GLRA1: variants seen among roughly 807,000 people sequenced by gnomAD.
The protein encoded by GLRA1 is glycine receptor subunit alpha-1.
A neutral mutation model predicts 48.3 loss-of-function variants in GLRA1; 37 were observed. That is an observed-to-expected ratio of 0.77 (90% CI 0.59 to 1.01). The LOEUF is 1.01. Ranked by LOEUF, GLRA1 falls within the 50% of genes least tolerant of loss-of-function variation. The probability of loss-of-function intolerance (pLI) is 0.00; values close to 1 mark genes in which losing one functional copy is unlikely to be tolerated. For missense variants in GLRA1, 427 were observed against 571.0 expected (o/e 0.75, Z 2.57); for synonymous variants, 196 against 210.7 (o/e 0.93, Z 0.60).
chr5:151,849,127 T>TC (rs1752779350), intron 7 of GLRA1: 1 of 207,336 alleles, frequency 4.8e-6, no homozygotes, highest in South Asian at 2.0e-4. Flanking sequence ...TTTCTTTCTT[T>TC]CTTTCTTTCT....
chr5:151,881,488 T>G (rs1373769457), intron 3 of GLRA1, among the ~76,000 whole-genome samples: 1 of 127,328 alleles, frequency 7.9e-6, no homozygotes, highest in Non-Finnish European at 1.6e-5. Context: ...CACCATGCCC[T>G]GCAATTTTTT....
intron 6 of GLRA1, among the ~76,000 whole-genome samples, chr5:151,853,121 G>C (rs556414362): frequency 6.6e-6 from 1 of 152,208 alleles, no homozygotes; most frequent in South Asian, 2.1e-4. Context: ...TTGGTCAAAG[G>C]GTACAGAATT....
intron 5 of GLRA1, 31 bp from the exon 6 acceptor site, chr5:151,855,208 C>T (rs202041932): frequency 1.5e-5 from 24 of 1,611,224 alleles, no homozygotes; most frequent in Non-Finnish European, 1.9e-5. Flanking sequence ...GGAGCAGTCA[C>T]CACTCAGAAG....
intron 8 of GLRA1, among the ~76,000 whole-genome samples, 195 bp downstream of exon 8, chr5:151,828,726 C>T (rs760905643): frequency 2.6e-5 from 4 of 152,196 alleles, no homozygotes; most frequent in Non-Finnish European, 5.9e-5. Flanking sequence ...CGAAGAGTGA[C>T]TGCCTATAGA....
intron 1 of GLRA1, among the ~76,000 whole-genome samples, 167 bp downstream of exon 1, chr5:151,924,327 G>T (rs537224003): frequency 6.7e-6 from 1 of 149,842 alleles, no homozygotes; most frequent in Non-Finnish European, 1.5e-5. Flanking sequence ...GGGGTGGGTG[G>T]CGGGGGGTGG....
intron 1 of GLRA1, among the ~76,000 whole-genome samples, chr5:151,913,758 C>T (rs564842822): frequency 1.6e-4 from 25 of 152,326 alleles, no homozygotes; most frequent in African/African-American, 5.8e-4. Flanking sequence ...CACACTGACA[C>T]TTCCAAGCTG....
At chr5:151,888,305 A>G (rs1406941105) in intron 2 of GLRA1, among the ~76,000 whole-genome samples, 1 of 152,226 alleles carries the variant, frequency 6.6e-6, no homozygotes, top group Admixed American at 6.5e-5. Context: ...GGGATGAGAA[A>G]CTAGGTTTTT....
At chr5:151,836,885 A>C (rs1369681593) in intron 7 of GLRA1, among the ~76,000 whole-genome samples, 1 of 152,220 alleles carries the variant, frequency 6.6e-6, no homozygotes, top group Non-Finnish European at 1.5e-5. Context: ...GGCCCAAACA[A>C]AGCCTTCATG....
intron 1 of GLRA1, among the ~76,000 whole-genome samples, chr5:151,901,468 G>C (rs544776325): frequency 1.3e-5 from 2 of 152,320 alleles, no homozygotes; most frequent in South Asian, 2.1e-4. Context: ...CTGACTGAGG[G>C]AAAGCTCTTA....
intron 1 of GLRA1, among the ~76,000 whole-genome samples, chr5:151,912,498 G>A (rs571614543): frequency 6.6e-6 from 1 of 152,182 alleles, no homozygotes; most frequent in Non-Finnish European, 1.5e-5. Flanking sequence ...GCAAGGGAAA[G>A]GTTGAGCGAG....
rs149536416 is a variant in GLRA1, at chr5:151,918,921, C to T, written c.56+5573G>A. Among the ~76,000 whole-genome samples the T allele has an allele frequency of 9.6e-3, 1,461 of 152,234 alleles. 23 individuals are homozygous for T. Among genetic ancestry groups the T allele is most frequent in the African/African-American group, 0.034 (1,394 of 41,522 alleles). ...AAAAATCTATGAATCTATGAATTTA[C>T]TCTGATTCTTCTCTTGGAGCTATAT... On this transcript the variant is annotated intron_variant, in intron 1 of 8. Transcript: ENST00000274576.
At chr5:151,884,351 C>T (rs1253531237) in intron 3 of GLRA1, among the ~76,000 whole-genome samples, 3 of 152,138 alleles carry the variant, frequency 2.0e-5, no homozygotes, top group Non-Finnish European at 4.4e-5. Context: ...ATTGCTTGAA[C>T]CCAGGAGGCA....
Position 151,859,021 on chromosome 5 carries a change from T to G in GLRA1, c.476+764A>C, listed in dbSNP as rs1333532970. Among the ~76,000 whole-genome samples, 8 of 152,212 alleles carry G rather than the reference T, an allele frequency of 5.3e-5. No individual in the cohort carries two copies. The East Asian group carries it at 1.5e-3, about 29-fold the overall frequency. On this transcript the variant is annotated intron_variant, in intron 4 of 8. Transcript: ENST00000274576. ...GGCAGGTTACTTAAATTTTTCTGAT[T>G]CTCATTTGTCTAATCTGAAAAATGG...
rs116742190 is a variant in GLRA1 at position 151,915,822 on chromosome 5, A to G, written c.56+8672T>C. On this transcript the variant is annotated intron_variant, in intron 1 of 8. Transcript: ENST00000274576. ...GGATCTCAGGCTTTGGTGTAGTATT[A>G]TAATTCCTTAAAGAGGTAATGTATG... 7.6e-3 allele frequency among the ~76,000 whole-genome samples: 1,161 copies of G among 152,212 alleles called. 19 individuals carry two copies. Among genetic ancestry groups the G allele is most frequent in the African/African-American group, 0.026 (1,091 of 41,538 alleles).
intron 8 of GLRA1, among the ~76,000 whole-genome samples, chr5:151,825,730 C>T (rs966902283): frequency 6.6e-6 from 1 of 152,164 alleles, no homozygotes; most frequent in Non-Finnish European, 1.5e-5. Context: ...ATTCGAGAAC[C>T]AGATGCTTTG....
In GLRA1 at chr5:151,889,106, T is replaced by C. The variant is rs549985322; in HGVS notation, c.185-2318A>G. ...CAAGTGTCTGGCACTGTGACTCCCA[T>C]ATAAATTAGTTTCTGATTTATGTGT... On this transcript the variant is annotated intron_variant, in intron 2 of 8. Transcript: ENST00000274576. 9.1e-4 allele frequency among the ~76,000 whole-genome samples: 138 copies of C among 152,326 alleles called. 1 individual carries two copies. Among genetic ancestry groups the C allele is most frequent in the Admixed American group, 4.3e-3 (66 of 15,304 alleles).
chr5:151,856,270 T>C lies in GLRA1; in HGVS notation c.559+31A>G, dbSNP rs750256601. 4.1e-6 allele frequency: 6 copies of C among 1,476,128 alleles called. No homozygotes were observed. In the South Asian group the frequency reaches 6.8e-5, roughly 17 times the overall value. The allele number at this position is 1,476,128 out of a possible 1,614,324, so 91.4% of individuals were successfully genotyped here. Reference sequence around the variant, plus strand: ...TCCCATGGGTAAAAAGGAGCCTGGTTCTTTCTAGAGGACTCATGCAAGACA... The same window carrying C: ...TCCCATGGGTAAAAAGGAGCCTGGTCCTTTCTAGAGGACTCATGCAAGACA... On this transcript the variant is annotated intron_variant, in intron 5 of 8. Coordinates refer to ENST00000274576, the MANE Select transcript of GLRA1 (RefSeq NM_000171.4).
At chr5:151,854,681 G>A (rs1273173240) in intron 6 of GLRA1, among the ~76,000 whole-genome samples, 2 of 152,178 alleles carry the variant, frequency 1.3e-5, no homozygotes, top group Non-Finnish European at 2.9e-5. Flanking sequence ...GGTCTATTGT[G>A]AGCATTCTCT....
At chr5:151,857,040 G>A (rs922659825) in intron 4 of GLRA1, among the ~76,000 whole-genome samples, 6 of 152,174 alleles carry the variant, frequency 3.9e-5, no homozygotes, top group Non-Finnish European at 8.8e-5. Flanking sequence ...CGGGCCTGGC[G>A]GCAGGCTCTG....
Sources: gnomAD v4.1 joint callset for allele counts (sites outside exome capture counted in the v4.1 genomes callset) on GRCh38, gnomAD v4.1.1 for gene constraint, MANE v1.5 for transcripts, NCBI Gene and HGNC (gene_info 2026-07-23, HGNC 2026-07-21) for gene names.